The following BCL2L14 variants were observed in gnomAD, a reference collection of about 807,000 sequenced individuals.
BCL2L14 encodes the protein apoptosis facilitator Bcl-2-like protein 14.
A neutral mutation model predicts 35.3 loss-of-function variants in BCL2L14; 27 were observed. The ratio of observed to expected loss-of-function variants is 0.76; its 90% CI spans 0.56 to 1.05. BCL2L14 has a LOEUF of 1.05. BCL2L14 is among the 50% of genes least tolerant of loss of function. The probability of loss-of-function intolerance (pLI) is 0.00; values close to 1 mark genes in which losing one functional copy is unlikely to be tolerated. For synonymous variants in BCL2L14, 139 were observed against 145.9 expected, an observed-to-expected ratio of 0.95 and a Z score of 0.34; for missense variants, 377 against 382.6, an observed-to-expected ratio of 0.99 and a Z score of 0.12.
intron 2 of BCL2L14, chr12:12,055,835 C>T (rs2909003): frequency 0.88 from 133,638 of 152,164 alleles, 58,859 homozygotes; most frequent in East Asian, 0.98. Flanking sequence ...GCCTATCACA[C>T]CCTTTCATAT....
At chr12:12,056,580 T>A (rs977767866) in intron 2 of BCL2L14, among the ~76,000 whole-genome samples, 14 of 152,320 alleles carry the variant, frequency 9.2e-5, no homozygotes, top group African/African-American at 3.4e-4. Context: ...TCACTCGTAA[T>A]CCCAGCACTT....
intron 2 of BCL2L14, among the ~76,000 whole-genome samples, chr12:12,083,003 C>G (rs1948960010): frequency 2.6e-5 from 4 of 152,164 alleles, no homozygotes. Flanking sequence ...CTTGCTCTGT[C>G]ACCCAGGCTG....
chr12:12,070,919 G>C (rs1948659612), upstream of BCL2L14: 3 of 152,176 alleles, frequency 2.0e-5, 1 homozygote, highest in Admixed American at 2.0e-4. Context: ...TAATAAGGAA[G>C]TGGTTCTCCT....
At chr12:12,059,584 C>T (rs888580783) in intron 2 of BCL2L14, among the ~76,000 whole-genome samples, 3 of 151,824 alleles carry the variant, frequency 2.0e-5, no homozygotes, top group African/African-American at 7.3e-5. Flanking sequence ...TGCCTGACCC[C>T]TTCTCTGCTT....
intron 2 of BCL2L14, among the ~76,000 whole-genome samples, chr12:12,085,249 G>T (rs141111119): frequency 6.6e-6 from 1 of 152,274 alleles, no homozygotes; most frequent in African/African-American, 2.4e-5. Flanking sequence ...TGGGCACAGG[G>T]TGCTTTCTGG....
chr12:12,069,607 C>G (rs990700668), upstream of BCL2L14, among the ~76,000 whole-genome samples: 1 of 150,324 alleles, frequency 6.7e-6, no homozygotes, highest in African/African-American at 2.4e-5. Context: ...ACTTGGGAGG[C>G]TGAGGCAGGA....
At chr12:12,094,524 T>A in intron 4 of BCL2L14, 140 bp from the exon 5 acceptor site, 1 of 1,614,226 alleles carries the variant, frequency 6.2e-7, no homozygotes, top group South Asian at 1.1e-5. Context: ...ACTGCCTTCA[T>A]CCCCATTCCC....
chr12:12,060,075 TCTC>T (rs1054894509), intron 2 of BCL2L14, among the ~76,000 whole-genome samples: 3 of 151,440 alleles, frequency 2.0e-5, no homozygotes, highest in Admixed American at 2.0e-4. Context: ...ATCTGACCTC[TCTC>T]CTCCTCGCCA....
intron 1 of BCL2L14, among the ~76,000 whole-genome samples, chr12:12,051,233 G>C (rs541651103): frequency 4.6e-5 from 7 of 152,314 alleles, no homozygotes; most frequent in African/African-American, 1.7e-4. Context: ...AGACTAGCAA[G>C]AGTCAAGAAT....
At chr12:12,087,077 C>A (rs1226137493) in intron 2 of BCL2L14, 136 bp from the exon 3 acceptor site, 2 of 944,152 alleles carry the variant, frequency 2.1e-6, no homozygotes, top group Admixed American at 2.3e-5. Flanking sequence ...GAAGAATGAC[C>A]CTCCCCCAGC....
At chr12:12,052,216 C>G (rs1274031915) in intron 2 of BCL2L14, among the ~76,000 whole-genome samples, 1 of 152,180 alleles carries the variant, frequency 6.6e-6, no homozygotes, top group Non-Finnish European at 1.5e-5. Flanking sequence ...CATCACCTCA[C>G]AAACTTACCA....
intron 2 of BCL2L14, among the ~76,000 whole-genome samples, chr12:12,062,986 G>T (rs1260388197): frequency 6.6e-6 from 1 of 152,196 alleles, no homozygotes; most frequent in Non-Finnish European, 1.5e-5. Context: ...TCGCTTCTCA[G>T]AATTCAGGCC....
chr12:12,075,939 G>A (rs1052755737), intron 1 of BCL2L14, among the ~76,000 whole-genome samples: 2 of 151,524 alleles, frequency 1.3e-5, no homozygotes, highest in Admixed American at 6.6e-5. Context: ...GATCAGATTC[G>A]GATCCAATGT....
intron 1 of BCL2L14, among the ~76,000 whole-genome samples, chr12:12,078,244 G>T (rs1440046748): frequency 1.3e-5 from 2 of 152,062 alleles, no homozygotes; most frequent in African/African-American, 4.8e-5. Flanking sequence ...ACCAAATATA[G>T]CAAGAAAAAA....
chr12:12,050,705 T>C (rs2136702517), intron 1 of BCL2L14, among the ~76,000 whole-genome samples: 1 of 148,686 alleles, frequency 6.7e-6, no homozygotes, highest in East Asian at 2.0e-4. Context: ...TACAGGGGTG[T>C]CCAATCTTTT....
intron 5 of BCL2L14, 133 bp downstream of exon 5, chr12:12,095,063 G>T (rs1319580628): frequency 1.9e-5 from 27 of 1,450,480 alleles, no homozygotes; most frequent in Admixed American, 2.8e-5. Context: ...TGAGTGGCCA[G>T]AGATAGATCC....
At chr12:12,066,224 T>C (rs1005861154), upstream of BCL2L14, among the ~76,000 whole-genome samples, 3 of 152,240 alleles carry the variant, frequency 2.0e-5, no homozygotes, top group Non-Finnish European at 2.9e-5. Context: ...GTGCTTCTCC[T>C]CTGCTCCGTT....
upstream of BCL2L14, among the ~76,000 whole-genome samples, chr12:12,067,704 T>C (rs17757816): frequency 0.11 from 16,566 of 152,224 alleles, 923 homozygotes; most frequent in Middle Eastern, 0.17. Flanking sequence ...CAATCCTTAT[T>C]ATGACCCTGT....
At chr12:12,088,276 A>G (rs1175395219) in intron 3 of BCL2L14, among the ~76,000 whole-genome samples, 2 of 152,244 alleles carry the variant, frequency 1.3e-5, no homozygotes, top group Non-Finnish European at 2.9e-5. Flanking sequence ...GACAGGTTTG[A>G]GGAGGTGGTG....
Sources: allele counts gnomAD v4.1 joint callset (sites outside exome capture counted in the v4.1 genomes callset), GRCh38; gene constraint gnomAD v4.1.1; transcripts MANE v1.5; gene names NCBI Gene and HGNC (gene_info 2026-07-23, HGNC 2026-07-21).